The following TAS2R1 variants were observed in gnomAD, a reference collection of about 807,000 sequenced individuals.
TAS2R1 encodes taste receptor type 2 member 1.
For missense variants in TAS2R1, 370 were observed against 353.4 expected (o/e 1.05, Z -0.38); for synonymous variants, 141 against 134.2 (o/e 1.05, Z -0.35).
At chr5:9,722,825 T>A in the TAS2R1 span, among the ~76,000 whole-genome samples, 3 of 152,248 alleles carry the variant, frequency 2.0e-5, no homozygotes, top group Non-Finnish European at 4.4e-5. Context: ...GCTTGGAATA[T>A]GCCTGGCACC....
chr5:9,765,137 G>A, the TAS2R1 span, among the ~76,000 whole-genome samples: 2 of 152,172 alleles, frequency 1.3e-5, no homozygotes, highest in East Asian at 3.9e-4. Flanking sequence ...GTTGTCTCTA[G>A]GAGGCAGAAA....
chr5:9,718,942 T>TA, the TAS2R1 span, among the ~76,000 whole-genome samples: 1 of 152,128 alleles, frequency 6.6e-6, no homozygotes, highest in Admixed American at 6.5e-5. Flanking sequence ...TAAAGTAGGC[T>TA]AAAGAGTCAT....
At chr5:9,850,925 G>T in the TAS2R1 span, among the ~76,000 whole-genome samples, 1 of 152,340 alleles carries the variant, frequency 6.6e-6, no homozygotes, top group South Asian at 2.1e-4. Context: ...GTGGGAGGGG[G>T]AGAATGAGAA....
the TAS2R1 span, among the ~76,000 whole-genome samples, chr5:9,726,603 C>A: frequency 1.1e-4 from 17 of 152,178 alleles, no homozygotes; most frequent in African/African-American, 3.9e-4. Flanking sequence ...AACCACCAAC[C>A]CACCAGAAGG....
chr5:9,730,615 G>A, the TAS2R1 span, among the ~76,000 whole-genome samples: 1 of 152,114 alleles, frequency 6.6e-6, no homozygotes. Flanking sequence ...ACACTTAGGG[G>A]GTCTCTGCTT....
At chr5:9,869,846 T>C in the TAS2R1 span, among the ~76,000 whole-genome samples, 1 of 152,138 alleles carries the variant, frequency 6.6e-6, no homozygotes, top group East Asian at 1.9e-4. Context: ...ATCTTGTGAG[T>C]TTTTCTAGTG....
chr5:9,686,086 A>T (rs1190441538), intron 1 of TAS2R1, among the ~76,000 whole-genome samples: 1 of 152,194 alleles, frequency 6.6e-6, no homozygotes, highest in Non-Finnish European at 1.5e-5. Flanking sequence ...GCTGATCTCG[A>T]ACTCCTGACC....
chr5:9,801,242 C>T, the TAS2R1 span, among the ~76,000 whole-genome samples: 1 of 152,240 alleles, frequency 6.6e-6, no homozygotes, highest in Admixed American at 6.5e-5. Context: ...AGGCAGCCAT[C>T]TGCAGGACAG....
the TAS2R1 span, among the ~76,000 whole-genome samples, chr5:9,780,850 C>G: frequency 6.6e-6 from 1 of 152,188 alleles, no homozygotes; most frequent in African/African-American, 2.4e-5. Context: ...GAGGAATAGG[C>G]CTCATGCAAG....
At chr5:9,755,963 T>C in the TAS2R1 span, among the ~76,000 whole-genome samples, 2 of 152,206 alleles carry the variant, frequency 1.3e-5, no homozygotes, top group Non-Finnish European at 2.9e-5. Context: ...TTATGACCTG[T>C]ATTTTGTTCT....
chr5:9,854,095 G>C, the TAS2R1 span, among the ~76,000 whole-genome samples: 1 of 152,156 alleles, frequency 6.6e-6, no homozygotes, highest in South Asian at 2.1e-4. Flanking sequence ...AGCAGGGTTG[G>C]TTCCTTTGAA....
chr5:9,726,863 G>C, the TAS2R1 span, among the ~76,000 whole-genome samples: 1 of 152,176 alleles, frequency 6.6e-6, no homozygotes, highest in South Asian at 2.1e-4. Context: ...CTTTTGATAA[G>C]AAAGTGCTAA....
chr5:9,660,859 C>A (rs1561371988), intron 1 of TAS2R1, among the ~76,000 whole-genome samples: 1 of 152,154 alleles, frequency 6.6e-6, no homozygotes, highest in Non-Finnish European at 1.5e-5. Context: ...GAGGTAGGAA[C>A]CACATGCAAG....
chr5:9,818,016 C>T, the TAS2R1 span, among the ~76,000 whole-genome samples: 6 of 152,258 alleles, frequency 3.9e-5, no homozygotes, highest in Admixed American at 3.9e-4. Flanking sequence ...CCTCCCTCTA[C>T]ACATGGGGAT....
At chr5:9,651,615 C>T (rs1740306674) in intron 2 of TAS2R1, among the ~76,000 whole-genome samples, 1 of 152,128 alleles carries the variant, frequency 6.6e-6, no homozygotes, top group African/African-American at 2.4e-5. Flanking sequence ...AAGAGTACGA[C>T]TCAAATTTTT....
intron 1 of TAS2R1, among the ~76,000 whole-genome samples, chr5:9,684,842 G>T (rs1161281730): frequency 1.3e-5 from 2 of 150,088 alleles, no homozygotes; most frequent in Non-Finnish European, 3.0e-5. Flanking sequence ...CAATGATTAT[G>T]TATCAACTAA....
the TAS2R1 span, among the ~76,000 whole-genome samples, chr5:9,895,478 G>A: frequency 5.3e-5 from 8 of 152,224 alleles, no homozygotes; most frequent in Admixed American, 1.3e-4. Flanking sequence ...CCGGGCAGCA[G>A]GCAGTCTGCT....
chr5:9,708,334 T>TA (rs1415906554), intron 1 of TAS2R1, among the ~76,000 whole-genome samples: 1 of 152,192 alleles, frequency 6.6e-6, no homozygotes, highest in Non-Finnish European at 1.5e-5. Context: ...CAGATTCAAT[T>TA]TTGTTCACTT....
chr5:9,672,222 T>G (rs377042166), intron 1 of TAS2R1, among the ~76,000 whole-genome samples: 27 of 152,278 alleles, frequency 1.8e-4, no homozygotes, highest in Non-Finnish European at 2.9e-4. Context: ...ATTCTGAACA[T>G]AGGCCCTGAC....
Sources: allele counts gnomAD v4.1 joint callset (sites outside exome capture counted in the v4.1 genomes callset), GRCh38; gene constraint gnomAD v4.1.1; transcripts MANE v1.5; gene names NCBI Gene and HGNC (gene_info 2026-07-23, HGNC 2026-07-21).